KIF25: variants seen among roughly 807,000 people sequenced by gnomAD.
KIF25 encodes kinesin-like protein KIF25.
KIF25 carries 19 observed loss-of-function variants against 32.9 expected under a neutral mutation model. The observed-to-expected ratio is 0.58, with a 90% CI of 0.40 to 0.85. The LOEUF (loss-of-function observed/expected upper bound fraction) is 0.85, where lower values mean the gene tolerates loss of function less well. Among genes scored for constraint, KIF25 ranks in the 40% least tolerant of loss-of-function variants. The probability of loss-of-function intolerance (pLI) is 0.00; values close to 1 mark genes in which losing one functional copy is unlikely to be tolerated. For synonymous variants in KIF25, 225 were observed against 213.7 expected (o/e 1.05, Z -0.46); for missense variants, 485 against 507.0 (o/e 0.96, Z 0.42).
At chr6:168,004,896 C>G (rs1162338014) in intron 4 of KIF25, among the ~76,000 whole-genome samples, 1 of 152,200 alleles carries the variant, frequency 6.6e-6, no homozygotes, top group Non-Finnish European at 1.5e-5. Context: ...CAAAATCAAA[C>G]CAGCATCTAA....
intron 4 of KIF25, among the ~76,000 whole-genome samples, chr6:168,005,884 A>C (rs530830749): frequency 2.0e-5 from 3 of 152,340 alleles, no homozygotes; most frequent in Admixed American, 6.5e-5. Flanking sequence ...AGCCACACCC[A>C]AGATCAATAC....
At chr6:168,010,887 T>C (rs1308624590) in intron 4 of KIF25, among the ~76,000 whole-genome samples, 1 of 152,180 alleles carries the variant, frequency 6.6e-6, no homozygotes, top group East Asian at 1.9e-4. Flanking sequence ...TTATGGCTTT[T>C]AACTTGAAGT....
chr6:168,010,701 C>T lies in KIF25; in HGVS notation c.-163+6998C>T, dbSNP rs527408014. Among the ~76,000 whole-genome samples the T allele has an allele frequency of 1.4e-3, 212 of 151,854 alleles. 2 individuals are homozygous for T. Among genetic ancestry groups the T allele is most frequent in the Non-Finnish European group, 2.2e-3 (148 of 67,884 alleles). On this transcript the variant is annotated intron_variant, in intron 4 of 12. Coordinates refer to ENST00000643607, the MANE Select transcript of KIF25 (RefSeq NM_030615.4). ...TGATTTTATGTGTAGATGATCTATC[C>T]AATGCTGAGAGTGGGGTGTTGAAGT...
intron 5 of KIF25, among the ~76,000 whole-genome samples, chr6:168,021,352 G>C (rs557215372): frequency 6.6e-6 from 1 of 152,276 alleles, no homozygotes; most frequent in African/African-American, 2.4e-5. Flanking sequence ...AGCAAGAACC[G>C]ACCCTGCCTC....
intron 5 of KIF25, among the ~76,000 whole-genome samples, chr6:168,026,939 C>G (rs1798868083): frequency 6.6e-6 from 1 of 152,122 alleles, no homozygotes; most frequent in Non-Finnish European, 1.5e-5. Context: ...TTTTTCTGAG[C>G]ACCTATTATG....
intron 10 of KIF25, among the ~76,000 whole-genome samples, chr6:168,041,374 G>A (rs1799115833): frequency 6.6e-6 from 1 of 152,212 alleles, no homozygotes; most frequent in Non-Finnish European, 1.5e-5. Flanking sequence ...GTGATGTTTA[G>A]GGAACACCAA....
chr6:168,014,601 T>C (rs1234572449), intron 4 of KIF25, among the ~76,000 whole-genome samples: 1 of 152,236 alleles, frequency 6.6e-6, no homozygotes, highest in Non-Finnish European at 1.5e-5. Context: ...GTTATGTTTT[T>C]ATTTCCAAAA....
intron 4 of KIF25, among the ~76,000 whole-genome samples, chr6:168,010,898 C>G (rs1210006930): frequency 6.6e-6 from 1 of 152,004 alleles, no homozygotes; most frequent in Non-Finnish European, 1.5e-5. Flanking sequence ...AACTTGAAGT[C>G]TGCTTTATCT....
chr6:168,009,693 C>T (rs2516812), intron 4 of KIF25, among the ~76,000 whole-genome samples: 78,425 of 151,772 alleles, frequency 0.52, 20,438 homozygotes, highest in Non-Finnish European at 0.56. Flanking sequence ...GTAGTGAAGC[C>T]TTCTGGTCCT....
At chr6:168,034,956 C>G in intron 8 of KIF25, among the ~76,000 whole-genome samples, 1 of 152,096 alleles carries the variant, frequency 6.6e-6, no homozygotes, top group East Asian at 1.9e-4. Flanking sequence ...GTCAGGAGTT[C>G]GAGCTTGCAT....
intron 4 of KIF25, among the ~76,000 whole-genome samples, chr6:168,014,566 T>A (rs1268361082): frequency 6.6e-6 from 1 of 152,252 alleles, no homozygotes; most frequent in Non-Finnish European, 1.5e-5. Flanking sequence ...ATCCGTTTTG[T>A]GACCTTGTAT....
chr6:168,031,583 C>T (rs879665635), intron 7 of KIF25, among the ~76,000 whole-genome samples: 8 of 152,206 alleles, frequency 5.3e-5, no homozygotes, highest in South Asian at 2.1e-4. Flanking sequence ...GGGGCCGCTC[C>T]GCCAATCATG....
chr6:168,035,194 C>T (rs1397577367), intron 8 of KIF25, among the ~76,000 whole-genome samples: 6 of 151,632 alleles, frequency 4.0e-5, no homozygotes, highest in African/African-American at 1.5e-4. Flanking sequence ...GGGGACACCA[C>T]GGTGGAAGGG....
intron 4 of KIF25, among the ~76,000 whole-genome samples, chr6:168,006,531 C>T (rs1430437798): frequency 1.3e-5 from 2 of 152,114 alleles, no homozygotes; most frequent in South Asian, 4.1e-4. Flanking sequence ...CACCTGAGGA[C>T]GTCTTGTGCT....
In KIF25 at chr6:168,025,266, T is replaced by C. The variant is rs554404196; in HGVS notation, c.-94-4226T>C. Among the ~76,000 whole-genome samples the C allele has an allele frequency of 3.0e-3, 452 of 152,224 alleles. 1 individual carries two copies. Among genetic ancestry groups the C allele is most frequent in the African/African-American group, 0.01 (430 of 41,526 alleles). The stretch of plus-strand genomic sequence containing the variant: ...GGGGAATGTCTCCTTCGTGATGAAT[T>C]CTTCTCAGTTTCCCTGTGTCCCTCG... On this transcript the variant is annotated intron_variant, in intron 5 of 12. Coordinates refer to ENST00000643607, the MANE Select transcript of KIF25 (RefSeq NM_030615.4).
intron 8 of KIF25, chr6:168,036,052 A>C (rs1336414469): frequency 8.6e-6 from 2 of 231,282 alleles, no homozygotes; most frequent in Non-Finnish European, 1.8e-5. Flanking sequence ...GTTTACAGGA[A>C]CCCTTTACCC....
rs1798461151 is a variant in KIF25, at chr6:167,999,091, G to C, written c.-598-1G>C. Reference sequence around the variant, plus strand: ...TAAAATAACTGTTCACTACCCTGCAGGGGTCTTTCGAAGTGGAGACAGGTG... The same window carrying C: ...TAAAATAACTGTTCACTACCCTGCACGGGTCTTTCGAAGTGGAGACAGGTG... On this transcript the variant is annotated splice_acceptor_variant, in intron 1 of 12. Coordinates refer to ENST00000643607, the MANE Select transcript of KIF25 (RefSeq NM_030615.4). LOFTEE classifies it low-confidence loss of function (5UTR_SPLICE). The C allele has an allele frequency of 6.6e-6, 1 of 152,256 alleles. No homozygotes were observed. Among genetic ancestry groups the C allele is most frequent in the Non-Finnish European group, 1.5e-5 (1 of 68,072 alleles). The allele number at this position is 152,256 out of a possible 1,614,324, so 9.4% of individuals were successfully genotyped here.
chr6:168,013,838 A>G (rs1262377517), intron 4 of KIF25, among the ~76,000 whole-genome samples: 1 of 151,774 alleles, frequency 6.6e-6, no homozygotes, highest in Non-Finnish European at 1.5e-5. Flanking sequence ...GTGCCTCTCC[A>G]CTCCCATGCT....
intron 8 of KIF25, chr6:168,035,706 T>C (rs1000359225): frequency 6.6e-6 from 3 of 456,028 alleles, no homozygotes; most frequent in Non-Finnish European, 8.8e-6. Flanking sequence ...TCCGTTTTGC[T>C]GTTCTGAGTC....
Sources: allele counts gnomAD v4.1 joint callset (sites outside exome capture counted in the v4.1 genomes callset), GRCh38; gene constraint gnomAD v4.1.1; transcripts MANE v1.5; gene names NCBI Gene and HGNC (gene_info 2026-07-23, HGNC 2026-07-21).